NTM: variants seen among roughly 807,000 people sequenced by gnomAD.
NTM encodes neurotrimin, also known as IgLON family member 2.
A neutral mutation model predicts 42.1 loss-of-function variants in NTM; 13 were observed. The ratio of observed to expected loss-of-function variants is 0.31; its 90% confidence interval spans 0.20 to 0.49. The LOEUF is 0.49. Ranked by LOEUF, NTM falls within the 20% of genes least tolerant of loss-of-function variation. The pLI, the probability that NTM is intolerant of heterozygous loss-of-function variation, is 0.99. For synonymous variants in NTM, 187 were observed against 179.2 expected, an observed-to-expected ratio of 1.04 and a Z score of -0.35; for missense variants, 373 against 452.8, an observed-to-expected ratio of 0.82 and a Z score of 1.60.
intron 2 of NTM, among the ~76,000 whole-genome samples, chr11:132,116,982 T>C (rs1392181919): frequency 6.6e-6 from 1 of 152,184 alleles, no homozygotes; most frequent in Non-Finnish European, 1.5e-5. Context: ...CTTCTTATGC[T>C]AATATTTTCT....
At chr11:131,763,681 C>T (rs2084600747) in intron 1 of NTM, among the ~76,000 whole-genome samples, 1 of 134,652 alleles carries the variant, frequency 7.4e-6, no homozygotes, top group Non-Finnish European at 1.6e-5. Context: ...TGCTGCTCTG[C>T]TTCTTATCCA....
intron 7 of NTM, among the ~76,000 whole-genome samples, chr11:132,316,822 C>T (rs1422132744): frequency 6.6e-6 from 1 of 152,104 alleles, no homozygotes; most frequent in Non-Finnish European, 1.5e-5. Flanking sequence ...TGAGGCTCAC[C>T]ATCAATGAGG....
At chr11:131,875,473 A>C (rs1235563837) in intron 1 of NTM, among the ~76,000 whole-genome samples, 1 of 152,214 alleles carries the variant, frequency 6.6e-6, no homozygotes, top group African/African-American at 2.4e-5. Context: ...AATGCAGAAA[A>C]TTTATGTTTT....
chr11:131,967,049 G>C (rs1257849044), intron 2 of NTM, among the ~76,000 whole-genome samples: 1 of 152,230 alleles, frequency 6.6e-6, no homozygotes, highest in Admixed American at 6.5e-5. Context: ...GATGGGCTAT[G>C]ATGTGGGCAA....
intron 4 of NTM, among the ~76,000 whole-genome samples, chr11:132,255,663 C>T (rs2092412470): frequency 6.6e-6 from 1 of 152,198 alleles, no homozygotes; most frequent in Non-Finnish European, 1.5e-5. Flanking sequence ...AGACTCAGTC[C>T]TAATGCGGCT....
intron 1 of NTM, among the ~76,000 whole-genome samples, chr11:131,630,117 C>T (rs1478648379): frequency 2.6e-5 from 4 of 152,078 alleles, no homozygotes; most frequent in Non-Finnish European, 4.4e-5. Flanking sequence ...CTCCTGCTAG[C>T]TGGAGCTTAA....
intron 1 of NTM, among the ~76,000 whole-genome samples, chr11:131,894,657 G>A (rs1191175010): frequency 6.6e-5 from 10 of 152,236 alleles, no homozygotes; most frequent in East Asian, 1.9e-4. Context: ...CCAACTGGCT[G>A]TCCATCGCCT....
intron 1 of NTM, among the ~76,000 whole-genome samples, chr11:131,502,354 G>A (rs1308761495): frequency 6.6e-6 from 1 of 152,148 alleles, no homozygotes; most frequent in Non-Finnish European, 1.5e-5. Context: ...CTTAATCATG[G>A]ACCTCTAGCC....
chr11:131,534,756 G>A (rs1038700463), intron 1 of NTM: 23 of 152,342 alleles, frequency 1.5e-4, no homozygotes, highest in African/African-American at 5.3e-4. Flanking sequence ...ACTTGCTGAA[G>A]TGGTTGTACT....
intron 4 of NTM, among the ~76,000 whole-genome samples, chr11:132,249,034 G>A (rs187122991): frequency 6.6e-6 from 1 of 152,328 alleles, no homozygotes; most frequent in African/African-American, 2.4e-5. Flanking sequence ...AGCACTGGCT[G>A]GAACATGCTC....
intron 2 of NTM, among the ~76,000 whole-genome samples, chr11:132,122,908 GACTC>G (rs1200117118): frequency 6.6e-6 from 1 of 152,034 alleles, no homozygotes; most frequent in African/African-American, 2.4e-5. Flanking sequence ...CACACACACA[GACTC>G]ACTCATTCAT....
chr11:131,817,058 A>AT, intron 1 of NTM, among the ~76,000 whole-genome samples: 1 of 152,146 alleles, frequency 6.6e-6, no homozygotes. Context: ...TTGTGTGGGC[A>AT]TTTTAAAACC....
chr11:132,237,162 A>C (rs1254719274), intron 4 of NTM, among the ~76,000 whole-genome samples: 1 of 152,158 alleles, frequency 6.6e-6, no homozygotes, highest in African/African-American at 2.4e-5. Flanking sequence ...CTCAGCAGTA[A>C]ACGTCCGGAA....
At chr11:132,273,309 GTTTTTTTTTT>G (rs57877862) in intron 4 of NTM, among the ~76,000 whole-genome samples, 32 of 55,672 alleles carry the variant, frequency 5.7e-4, no homozygotes, top group African/African-American at 2.4e-3. Context: ...GTTGACTAGT[GTTTTTTTTTT>G]TTTTTTTTTT....
chr11:131,740,469 C>T (rs2081041737), intron 1 of NTM, among the ~76,000 whole-genome samples: 1 of 152,112 alleles, frequency 6.6e-6, no homozygotes, highest in Non-Finnish European at 1.5e-5. Context: ...ATAGTTCTTA[C>T]CTACTAATTG....
intron 1 of NTM, among the ~76,000 whole-genome samples, chr11:131,391,105 A>G (rs987404300): frequency 6.6e-5 from 10 of 152,126 alleles, no homozygotes; most frequent in Non-Finnish European, 1.3e-4. Flanking sequence ...GGCACTGCTA[A>G]ATGTTTTATG....
At chr11:131,773,926 A>G in intron 1 of NTM, 1 of 750,962 alleles carries the variant, frequency 1.3e-6, no homozygotes, top group Middle Eastern at 6.6e-4. Context: ...TGCTGGACTC[A>G]CTGTACAATT....
intron 1 of NTM, among the ~76,000 whole-genome samples, chr11:131,781,630 G>A (rs2088153724): frequency 6.6e-6 from 1 of 152,108 alleles, no homozygotes; most frequent in African/African-American, 2.4e-5. Context: ...CCAGAATTTT[G>A]CTTCTGGCAA....
At chr11:131,561,330 G>A (rs888936395) in intron 1 of NTM, among the ~76,000 whole-genome samples, 18 of 152,218 alleles carry the variant, frequency 1.2e-4, no homozygotes, top group Non-Finnish European at 2.4e-4. Context: ...GTGCCTAACA[G>A]CTTAGCAGTT....
Sources: gnomAD v4.1 joint callset for allele counts (sites outside exome capture counted in the v4.1 genomes callset) on GRCh38, gnomAD v4.1.1 for gene constraint, MANE v1.5 for transcripts, NCBI Gene and HGNC (gene_info 2026-07-23, HGNC 2026-07-21) for gene names.